The following ANO3 variants were observed in gnomAD, a reference collection of about 807,000 sequenced individuals.
ANO3 encodes the protein anoctamin-3.
ANO3 carries 99 observed loss-of-function variants against 144.8 expected under a neutral mutation model. The observed-to-expected ratio is 0.68, with a 90% CI of 0.58 to 0.81. The LOEUF is 0.81. ANO3 is among the 30% of genes least tolerant of loss of function. The probability of loss-of-function intolerance (pLI) is 0.00; values close to 1 mark genes in which losing one functional copy is unlikely to be tolerated. For synonymous variants in ANO3, 414 were observed against 392.6 expected, an observed-to-expected ratio of 1.05 and a Z score of -0.64; for missense variants, 905 against 1,202.2, an observed-to-expected ratio of 0.75 and a Z score of 3.66.
At chr11:26,577,564 CA>C (rs56856563) in intron 14 of ANO3, among the ~76,000 whole-genome samples, 43,598 of 129,448 alleles carry the variant, frequency 0.34, 6,272 homozygotes, top group Admixed American at 0.38. Flanking sequence ...GACTCCGTCT[CA>C]AAAAAAAAAA....
At chr11:26,279,128 G>C (rs1853621906) in intron 1 of ANO3, among the ~76,000 whole-genome samples, 1 of 152,126 alleles carries the variant, frequency 6.6e-6, no homozygotes. Flanking sequence ...ATCCAGGAGA[G>C]AGAAAATGAA....
intron 4 of ANO3, among the ~76,000 whole-genome samples, chr11:26,478,017 G>C (rs1199232053): frequency 6.6e-6 from 1 of 152,122 alleles, no homozygotes; most frequent in Non-Finnish European, 1.5e-5. Context: ...ACTGAATACT[G>C]TTTAGCTATT....
chr11:26,384,513 G>A (rs907410118), intron 1 of ANO3, among the ~76,000 whole-genome samples: 11 of 152,138 alleles, frequency 7.2e-5, no homozygotes, highest in African/African-American at 2.7e-4. Context: ...ATCTTTCAAA[G>A]TTAAGATAAT....
At chr11:26,657,436 A>G (rs1278225383) in intron 26 of ANO3, among the ~76,000 whole-genome samples, 1 of 152,120 alleles carries the variant, frequency 6.6e-6, no homozygotes, top group Non-Finnish European at 1.5e-5. Context: ...GATTAAAAAA[A>G]CTTCTGTTGT....
intron 1 of ANO3, among the ~76,000 whole-genome samples, chr11:26,294,122 TAC>T (rs1854032085): frequency 6.6e-6 from 1 of 152,138 alleles, no homozygotes; most frequent in Non-Finnish European, 1.5e-5. Context: ...GGAAATAAAA[TAC>T]GTTTAAAGGA....
intron 1 of ANO3, among the ~76,000 whole-genome samples, chr11:26,419,675 C>G (rs1470049732): frequency 6.6e-6 from 1 of 151,942 alleles, no homozygotes; most frequent in African/African-American, 2.4e-5. Context: ...ATGTGGAATA[C>G]TAAGCTAATA....
intron 1 of ANO3, among the ~76,000 whole-genome samples, chr11:26,215,064 CTT>C (rs1275249519): frequency 6.6e-6 from 1 of 151,946 alleles, no homozygotes; most frequent in African/African-American, 2.4e-5. Context: ...ATCAACATGA[CTT>C]ATAATCACTG....
At chr11:26,363,457 G>T (rs948170339) in intron 1 of ANO3, among the ~76,000 whole-genome samples, 11 of 152,100 alleles carry the variant, frequency 7.2e-5, no homozygotes, top group African/African-American at 2.4e-4. Context: ...CTCTTGTCTT[G>T]TCATGTCTTC....
In ANO3 at chr11:26,335,433, T is replaced by C. The variant is rs532581531; in HGVS notation, c.46+3112T>C. 2.0e-5 allele frequency among the ~76,000 whole-genome samples: 3 copies of C among 152,248 alleles called. No individual in the cohort carries two copies. In the East Asian group the frequency reaches 5.8e-4, roughly 29 times the overall value. On this transcript the variant is annotated intron_variant, in intron 1 of 26. Transcript: ENST00000256737. Reference sequence around the variant, plus strand: ...TTTTGCATCACGCAGCTTTATTACTTTGGGATTCATCTTAAGGAAAACAGT... The same window carrying C: ...TTTTGCATCACGCAGCTTTATTACTCTGGGATTCATCTTAAGGAAAACAGT...
chr11:26,206,071 A>G (rs1372047826), intron 1 of ANO3, among the ~76,000 whole-genome samples: 1 of 152,200 alleles, frequency 6.6e-6, no homozygotes, highest in Admixed American at 6.5e-5. Flanking sequence ...AGAATTTATC[A>G]AACAGGATTT....
At chr11:26,498,525 T>C (rs1861059270) in intron 4 of ANO3, among the ~76,000 whole-genome samples, 1 of 150,306 alleles carries the variant, frequency 6.7e-6, no homozygotes, top group Admixed American at 6.7e-5. Context: ...TTATCAATGA[T>C]AGTCAATAAT....
intron 4 of ANO3, among the ~76,000 whole-genome samples, chr11:26,503,001 C>T (rs1861262816): frequency 6.6e-6 from 1 of 152,076 alleles, no homozygotes; most frequent in Non-Finnish European, 1.5e-5. Context: ...CAAAGTGTTC[C>T]TACTCAACAT....
chr11:26,534,916 C>A (rs1389528788), intron 9 of ANO3, among the ~76,000 whole-genome samples: 1 of 152,122 alleles, frequency 6.6e-6, no homozygotes, highest in African/African-American at 2.4e-5. Flanking sequence ...AAATACCTTA[C>A]GTGTCCATGC....
At chr11:26,263,950 T>C (rs1414764146) in intron 1 of ANO3, among the ~76,000 whole-genome samples, 1 of 152,216 alleles carries the variant, frequency 6.6e-6, no homozygotes, top group Non-Finnish European at 1.5e-5. Context: ...GAATATCAGG[T>C]TTCTTTTGTT....
chr11:26,453,290 G>A (rs1271542051), intron 3 of ANO3, among the ~76,000 whole-genome samples: 4 of 151,426 alleles, frequency 2.6e-5, no homozygotes, highest in Non-Finnish European at 5.9e-5. Context: ...CTGGCAAATT[G>A]GATAAACAGT....
intron 14 of ANO3, among the ~76,000 whole-genome samples, chr11:26,589,823 T>TGC (rs1407947412): frequency 6.6e-6 from 1 of 152,234 alleles, no homozygotes; most frequent in Admixed American, 6.5e-5. Context: ...CATGCATGGG[T>TGC]GCATACTTCA....
intron 10 of ANO3, among the ~76,000 whole-genome samples, chr11:26,538,292 C>T (rs1849561557): frequency 6.6e-6 from 1 of 152,116 alleles, no homozygotes; most frequent in Admixed American, 6.6e-5. Context: ...GGTTAGATAT[C>T]AAAGGCGCAG....
Position 26,207,515 on chromosome 11 carries a change from ATAAT to A in ANO3, c.154+18188_154+18191del, listed in dbSNP as rs1247182419. ...ATCTCCACCTTTAATAATGATAATA[ATAAT>A]TACTCATTAAGTACTTATTCAGTAC... On this transcript the variant is annotated intron_variant, in intron 1 of 27. Coordinates refer to the ANO3 transcript ENST00000672621. Among the ~76,000 whole-genome samples, 3 of 152,312 alleles carry A rather than the reference ATAAT, an allele frequency of 2.0e-5. No individual in the cohort carries two copies. In the East Asian group the frequency reaches 5.8e-4, roughly 29 times the overall value.
At chr11:26,375,950 T>C (rs1037899) in intron 1 of ANO3, among the ~76,000 whole-genome samples, 81,075 of 151,838 alleles carry the variant, frequency 0.53, 22,887 homozygotes, top group East Asian at 0.68. Context: ...AGAATGAAGT[T>C]TTTCTGGAGA....
Sources: gnomAD v4.1 joint callset for allele counts (sites outside exome capture counted in the v4.1 genomes callset) on GRCh38, gnomAD v4.1.1 for gene constraint, MANE v1.5 for transcripts, NCBI Gene and HGNC (gene_info 2026-07-23, HGNC 2026-07-21) for gene names.